Variants in KANSL1 observed in about 807,000 individuals in gnomAD.
The protein encoded by KANSL1 is KAT8 regulatory NSL complex subunit 1.
KANSL1 carries 22 observed loss-of-function variants against 103.6 expected under a neutral mutation model. That is an observed-to-expected ratio of 0.21 (90% CI 0.15 to 0.30). The LOEUF (loss-of-function observed/expected upper bound fraction) is 0.30. Among genes scored for constraint, KANSL1 ranks in the 10% least tolerant of loss-of-function variants. The probability of loss-of-function intolerance (pLI) is 1.00; values close to 1 mark genes in which losing one functional copy is unlikely to be tolerated. For missense variants in KANSL1, 1,337 were observed against 1,399.8 expected (o/e 0.96, Z 0.72); for synonymous variants, 600 against 527.6 (o/e 1.14, Z -1.88).
intron 2 of KANSL1, among the ~76,000 whole-genome samples, chr17:46,126,686 C>T (rs554076150): frequency 1.3e-5 from 2 of 152,198 alleles, no homozygotes; most frequent in South Asian, 2.1e-4. Flanking sequence ...GAACAGTTTC[C>T]TCCAAAACAT....
chr17:46,211,502 G>C (rs551670375), intron 1 of KANSL1, among the ~76,000 whole-genome samples: 1 of 152,338 alleles, frequency 6.6e-6, no homozygotes. Context: ...GCCATGGGTC[G>C]GACAAGCTTG....
chr17:46,181,184 A>G (rs997565066), intron 1 of KANSL1, among the ~76,000 whole-genome samples: 10 of 152,260 alleles, frequency 6.6e-5, no homozygotes, highest in Admixed American at 1.3e-4. Flanking sequence ...GATGGCTTAT[A>G]AAGAATGGAA....
rs188258260 is a variant in KANSL1, at chr17:46,094,388, C to A, written c.1431+172G>T. The A allele has an allele frequency of 4.3e-5, 34 of 790,732 alleles. No individual in the cohort carries two copies. The South Asian group carries it at 6.0e-4, about 14-fold the overall frequency. 49.0% of individuals were successfully genotyped at this position (790,732 alleles called of 1,614,324 possible). ...CTGGGATCACAAGAGTGAGCCACCA[C>A]GCGCAGCCACATCAGGTTCTTAAAT... On this transcript the variant is annotated intron_variant, in intron 3 of 14. Transcript: ENST00000432791.
intron 2 of KANSL1, among the ~76,000 whole-genome samples, chr17:46,095,204 G>C (rs993508719): frequency 2.6e-5 from 4 of 152,172 alleles, no homozygotes; most frequent in African/African-American, 7.2e-5. Context: ...ACGCCTGAAA[G>C]CATGAAGATC....
chr17:46,138,473 C>A (rs891033713), intron 2 of KANSL1, among the ~76,000 whole-genome samples: 2 of 152,210 alleles, frequency 1.3e-5, no homozygotes, highest in Non-Finnish European at 2.9e-5. Flanking sequence ...ATAGGTTATA[C>A]ACAAATACTA....
chr17:46,174,062 C>T (rs2046406458), intron 1 of KANSL1, among the ~76,000 whole-genome samples: 1 of 152,226 alleles, frequency 6.6e-6, no homozygotes, highest in Non-Finnish European at 1.5e-5. Flanking sequence ...TCAAGGAAGA[C>T]CACTGACGAT....
intron 2 of KANSL1, among the ~76,000 whole-genome samples, chr17:46,123,120 T>G (rs1406970295): frequency 6.6e-6 from 1 of 152,258 alleles, no homozygotes; most frequent in Non-Finnish European, 1.5e-5. Flanking sequence ...CTCATGCCTG[T>G]AATCCCAACA....
At position 46,130,187 on chromosome 17, in the gene KANSL1, CAAAAAA is replaced by C. The variant is rs35017603; in HGVS notation, c.1290-35492_1290-35487del. On this transcript the variant is annotated intron_variant, in intron 2 of 14. Transcript: ENST00000432791. ...GGGCAAAAGAATGAGATCCTGTCTC[CAAAAAA>C]AAAAAAAAAAAAAAAGGAATCAACT... 1.1e-4 allele frequency among the ~76,000 whole-genome samples: 8 copies of C among 75,466 alleles called. 1 individual carries two copies. Among genetic ancestry groups the C allele is most frequent in the Non-Finnish European group, 1.9e-4 (7 of 36,980 alleles). 49.5% of individuals were successfully genotyped at this position (75,466 alleles called of 152,430 possible). A position where few individuals can be genotyped will look rare whatever the true frequency, so the allele number is the denominator to read the frequency against.
chr17:46,062,118 C>CAAAAAAAAA (rs66529773), intron 6 of KANSL1, among the ~76,000 whole-genome samples: 17 of 108,774 alleles, frequency 1.6e-4, no homozygotes, highest in South Asian at 6.9e-4. Context: ...AACAAACAAA[C>CAAAAAAAAA]AAAAAAAAAA....
At chr17:46,066,220 G>T (rs1358518555) in intron 6 of KANSL1, among the ~76,000 whole-genome samples, 2 of 152,176 alleles carry the variant, frequency 1.3e-5, no homozygotes, top group Non-Finnish European at 2.9e-5. Context: ...GTGAAGGTGA[G>T]AGGGCACACT....
intron 4 of KANSL1, among the ~76,000 whole-genome samples, chr17:46,073,634 A>C (rs983288604): frequency 6.6e-6 from 1 of 151,920 alleles, no homozygotes; most frequent in African/African-American, 2.4e-5. Flanking sequence ...AATAAAAATT[A>C]ACAATGCGGG....
chr17:46,149,103 C>T (rs1003390419), intron 2 of KANSL1, among the ~76,000 whole-genome samples: 1 of 151,386 alleles, frequency 6.6e-6, no homozygotes, highest in Non-Finnish European at 1.5e-5. Context: ...CCCGGGTTCA[C>T]GCCATTCTCC....
At chr17:46,072,784 T>C (rs1029132579) in intron 4 of KANSL1, among the ~76,000 whole-genome samples, 7 of 152,226 alleles carry the variant, frequency 4.6e-5, no homozygotes, top group Admixed American at 2.6e-4. Context: ...AGAAAATCTA[T>C]AAAATTACAT....
At chr17:46,125,561 C>T (rs2043516465) in intron 2 of KANSL1, among the ~76,000 whole-genome samples, 1 of 152,156 alleles carries the variant, frequency 6.6e-6, no homozygotes, top group Non-Finnish European at 1.5e-5. Flanking sequence ...GGGTACCACT[C>T]CCAAGACCAA....
chr17:46,058,743 A>ACACACT (rs2078032998), intron 6 of KANSL1, among the ~76,000 whole-genome samples: 11 of 67,954 alleles, frequency 1.6e-4, no homozygotes, highest in Admixed American at 4.7e-4. Flanking sequence ...ACACACACAC[A>ACACACT]CTCTCTCTCT....
chr17:46,190,729 G>A (rs1012170349), intron 1 of KANSL1, among the ~76,000 whole-genome samples: 1 of 152,218 alleles, frequency 6.6e-6, no homozygotes, highest in African/African-American at 2.4e-5. Flanking sequence ...CTCAAATTAT[G>A]AGGTACTAAC....
At chr17:46,209,329 G>T (rs112450529) in intron 1 of KANSL1, among the ~76,000 whole-genome samples, 113 of 152,266 alleles carry the variant, frequency 7.4e-4, no homozygotes, top group African/African-American at 2.6e-3. Context: ...TATTTGCTTC[G>T]ATATTTACTG....
chr17:46,130,566 A>G (rs79301522), intron 2 of KANSL1, among the ~76,000 whole-genome samples: 21,468 of 151,712 alleles, frequency 0.14, 2,112 homozygotes, highest in Non-Finnish European at 0.21. Flanking sequence ...GAACGAAAAC[A>G]AAAACAAGAA....
intron 2 of KANSL1, among the ~76,000 whole-genome samples, chr17:46,166,319 C>T (rs1402217392): frequency 5.3e-5 from 8 of 152,098 alleles, no homozygotes; most frequent in African/African-American, 1.7e-4. Flanking sequence ...CGAGACCAGC[C>T]TGAGCAACAT....
Sources: allele counts gnomAD v4.1 joint callset (sites outside exome capture counted in the v4.1 genomes callset), GRCh38; gene constraint gnomAD v4.1.1; transcripts MANE v1.5; gene names NCBI Gene and HGNC (gene_info 2026-07-23, HGNC 2026-07-21).